KRABD5: variants seen among roughly 807,000 people sequenced by gnomAD.
KRABD5 encodes the protein KRAB domain containing 5, also known as KRAB domain-containing protein 5.
chr16:31,734,421 T>TA, the KRABD5 span, among the ~76,000 whole-genome samples: 1 of 152,052 alleles, frequency 6.6e-6, no homozygotes, highest in East Asian at 1.9e-4. Flanking sequence ...TGGCTAATTT[T>TA]AAAAAATTTT....
At chr16:31,748,627 A>G in the KRABD5 span, among the ~76,000 whole-genome samples, 10 of 152,172 alleles carry the variant, frequency 6.6e-5, no homozygotes, top group Admixed American at 3.9e-4. Context: ...GTCCAGTTCT[A>G]TGCCCTTGAT....
chr16:31,756,930 T>A, the KRABD5 span: 3 of 152,320 alleles, frequency 2.0e-5, no homozygotes, highest in African/African-American at 4.8e-5. Flanking sequence ...ACTGGAGAAC[T>A]GTTGATTTAT....
At chr16:31,727,092 T>G in the KRABD5 span, among the ~76,000 whole-genome samples, 1 of 152,240 alleles carries the variant, frequency 6.6e-6, no homozygotes, top group Non-Finnish European at 1.5e-5. Flanking sequence ...CATTAATTGT[T>G]AGTATATAGA....
chr16:31,734,124 A>G, the KRABD5 span, among the ~76,000 whole-genome samples: 1 of 152,106 alleles, frequency 6.6e-6, no homozygotes, highest in African/African-American at 2.4e-5. Context: ...ACGGAGTACA[A>G]TTATATATAT....
chr16:31,717,007 T>G, the KRABD5 span, among the ~76,000 whole-genome samples: 2 of 145,634 alleles, frequency 1.4e-5, no homozygotes, highest in Admixed American at 6.8e-5. Flanking sequence ...GTTTTTTTTT[T>G]TTTTTTTTTT....
the KRABD5 span, among the ~76,000 whole-genome samples, chr16:31,731,592 C>T: frequency 6.6e-6 from 1 of 152,176 alleles, no homozygotes; most frequent in South Asian, 2.1e-4. Context: ...GGATATGGGC[C>T]CTGGGCCCAT....
At chr16:31,715,028 A>G in the KRABD5 span, among the ~76,000 whole-genome samples, 1 of 152,176 alleles carries the variant, frequency 6.6e-6, no homozygotes. Flanking sequence ...AGGAGCAAAC[A>G]TGATTCAAGG....
At chr16:31,719,031 G>C in the KRABD5 span, among the ~76,000 whole-genome samples, 1 of 152,254 alleles carries the variant, frequency 6.6e-6, no homozygotes, top group Admixed American at 6.5e-5. Flanking sequence ...ACAAAGAGGA[G>C]TTCTGGAGAC....
the KRABD5 span, among the ~76,000 whole-genome samples, chr16:31,751,154 T>C: frequency 6.6e-6 from 1 of 152,252 alleles, no homozygotes; most frequent in African/African-American, 2.4e-5. Context: ...CTAATTGTGG[T>C]AAATTAACTT....
chr16:31,715,034 C>G, the KRABD5 span, among the ~76,000 whole-genome samples: 3 of 152,050 alleles, frequency 2.0e-5, no homozygotes, highest in African/African-American at 7.2e-5. Flanking sequence ...AAACATGATT[C>G]AAGGTGGGAG....
the KRABD5 span, among the ~76,000 whole-genome samples, chr16:31,747,522 A>G: frequency 1.3e-5 from 2 of 152,114 alleles, no homozygotes; most frequent in African/African-American, 2.4e-5. Flanking sequence ...GGATGGCTGG[A>G]TCAAATGGTA....
At chr16:31,753,723 G>C in the KRABD5 span, 1 of 1,431,228 alleles carries the variant, frequency 7.0e-7, no homozygotes, top group Non-Finnish European at 9.2e-7. Flanking sequence ...ATTTTCACCT[G>C]AATTTAGTAA....
At chr16:31,749,294 A>G in the KRABD5 span, among the ~76,000 whole-genome samples, 1 of 152,334 alleles carries the variant, frequency 6.6e-6, no homozygotes, top group Middle Eastern at 3.4e-3. Context: ...GGACCAAGCC[A>G]TGCAGCCTCC....
the KRABD5 span, among the ~76,000 whole-genome samples, chr16:31,729,141 C>T: frequency 9.3e-4 from 141 of 152,280 alleles, no homozygotes; most frequent in African/African-American, 3.2e-3. Flanking sequence ...ATATCCTTTC[C>T]AGTTCTTTCA....
chr16:31,739,047 CTT>C, the KRABD5 span, among the ~76,000 whole-genome samples: 3 of 152,082 alleles, frequency 2.0e-5, no homozygotes, highest in Non-Finnish European at 2.9e-5. Context: ...AAGTATTTGA[CTT>C]TTCAAATCTA....
chr16:31,716,997 G>GTTTTTTTTTTT, the KRABD5 span, among the ~76,000 whole-genome samples: 8 of 81,168 alleles, frequency 9.9e-5, no homozygotes, highest in Non-Finnish European at 1.6e-4. Flanking sequence ...GTCAGTCTTT[G>GTTTTTTTTTTT]TTTTTTTTTT....
the KRABD5 span, chr16:31,713,491 CGGGAACCCTCTTTG>C: frequency 3.2e-6 from 5 of 1,573,924 alleles, no homozygotes; most frequent in South Asian, 5.8e-5. Flanking sequence ...TCGGAAGCGG[CGGGAACCCTCTTTG>C]AGGTTAGCTT....
the KRABD5 span, chr16:31,722,826 CACTTGGG>C: frequency 6.9e-7 from 1 of 1,439,736 alleles, no homozygotes; most frequent in Non-Finnish European, 9.2e-7. Context: ...TGTAGAATGT[CACTTGGG>C]AGCTTATGCT....
chr16:31,730,755 A>C, the KRABD5 span, among the ~76,000 whole-genome samples: 1 of 151,926 alleles, frequency 6.6e-6, no homozygotes, highest in Non-Finnish European at 1.5e-5. Flanking sequence ...CTAATTGATT[A>C]CTTTCAAATG....
Sources: allele counts gnomAD v4.1 joint callset (sites outside exome capture counted in the v4.1 genomes callset), GRCh38; gene constraint gnomAD v4.1.1; transcripts MANE v1.5; gene names NCBI Gene and HGNC (gene_info 2026-07-23, HGNC 2026-07-21).